BICRA: variants seen among roughly 807,000 people sequenced by gnomAD.
BICRA encodes the protein BRD4-interacting chromatin-remodeling complex-associated protein.
BICRA carries 31 observed loss-of-function variants against 96.9 expected under a neutral mutation model. The ratio of observed to expected loss-of-function variants is 0.32; its 90% CI spans 0.24 to 0.43. The LOEUF (loss-of-function observed/expected upper bound fraction) is 0.43, where lower values mean the gene tolerates loss of function less well. Among genes scored for constraint, BICRA ranks in the 20% least tolerant of loss-of-function variants. The pLI, the probability that BICRA is intolerant of heterozygous loss-of-function variation, is 1.00. For missense variants in BICRA, 2,283 were observed against 2,190.3 expected (o/e 1.04, Z -0.84); for synonymous variants, 1,350 against 1,071.8 (o/e 1.26, Z -5.07).
chr19:47,698,607 T>A lies in BICRA; in HGVS notation c.3249-27T>A, dbSNP rs374584677. 1 of 811,890 alleles carries A rather than the reference T, an allele frequency of 1.2e-6. No individual in the cohort carries two copies. 50.3% of individuals were successfully genotyped at this position (811,890 alleles called of 1,614,324 possible). A position where few individuals can be genotyped will look rare whatever the true frequency, so the allele number is the denominator to read the frequency against. On this transcript the variant is annotated intron_variant, in intron 11 of 14. Transcript: ENST00000594866. The surrounding 1 kb of genome is among the most constrained non-coding windows in gnomAD (Gnocchi z 4.8). ...CCCGTCCCCCCCACCCTCCGCCGTG[T>A]GTGGTCTCTCCCCTTTCCACCCGCA...
chr19:47,681,895 A>T, intron 6 of BICRA, 81 bp from the exon 7 acceptor site: 1 of 977,344 alleles, frequency 1.0e-6, no homozygotes, highest in Non-Finnish European at 1.5e-6. Context: ...TGGGAGCGTC[A>T]ATAGGGGCAG....
At position 47,679,470 on chromosome 19, in the gene BICRA, C is replaced by T. The variant is rs1005184849; in HGVS notation, c.300C>T (p.Pro100=). Residue 100 remains proline (P), a synonymous_variant, in exon 6 of 15, where the codon CCC becomes CCT. Transcript: ENST00000594866. The part of the protein sequence containing the change: ...GGGGSGGADQ[P]CDILQQSLQE... ...GGGGCAGTGGGGGCGCTGACCAGCC[C>T]TGTGACATCCTCCAGCAGAGCCTCC... is the stretch of plus-strand genomic sequence containing the variant. 6.5e-7 allele frequency: 1 copy of T among 1,532,784 alleles called. No homozygotes were observed. Among genetic ancestry groups the T allele is most frequent in the Non-Finnish European group, 8.8e-7 (1 of 1,139,574 alleles). 94.9% of individuals were successfully genotyped at this position (1,532,784 alleles called of 1,614,324 possible). A position where few individuals can be genotyped will look rare whatever the true frequency, so the allele number is the denominator to read the frequency against.
chr19:47,660,665 C>T (rs990958747), intron 1 of BICRA, among the ~76,000 whole-genome samples: 3 of 152,098 alleles, frequency 2.0e-5, no homozygotes, highest in African/African-American at 2.4e-5. Context: ...AGGACCTGGC[C>T]GGGTGAGTGG....
chr19:47,609,226 G>C (rs1331974861), intron 1 of BICRA, 58 bp downstream of exon 1: 1 of 150,560 alleles, frequency 6.6e-6, no homozygotes, highest in East Asian at 2.0e-4. Flanking sequence ...CTCTACCTGC[G>C]AGTCGGGGCT....
chr19:47,673,189 G>C (rs61203661), intron 2 of BICRA, among the ~76,000 whole-genome samples: 45,253 of 152,022 alleles, frequency 0.3, 8,078 homozygotes, highest in African/African-American at 0.49. Flanking sequence ...TGCTTGCTGG[G>C]AGACGGAGGA....
rs145618805 is a variant in BICRA at position 47,645,713 on chromosome 19, T to C, written c.-107-24730T>C. On this transcript the variant is annotated intron_variant, in intron 1 of 14. Transcript: ENST00000594866. Reference sequence around the variant, plus strand: ...GCAAGTATGTTAATGTTTGGGCATATTTCCTTCTGATCTTCCTTCTGATTG... The same window carrying C: ...GCAAGTATGTTAATGTTTGGGCATACTTCCTTCTGATCTTCCTTCTGATTG... Among the ~76,000 whole-genome samples the C allele has an allele frequency of 4.6e-5, 7 of 152,324 alleles. No individual in the cohort carries two copies. The East Asian group carries it at 1.4e-3, about 29-fold the overall frequency.
At chr19:47,642,253 C>T (rs1464197166) in intron 1 of BICRA, among the ~76,000 whole-genome samples, 1 of 152,176 alleles carries the variant, frequency 6.6e-6, no homozygotes, top group East Asian at 1.9e-4. Flanking sequence ...TGCTGATGGA[C>T]CTTTGGGTTA....
intron 10 of BICRA, among the ~76,000 whole-genome samples, chr19:47,696,199 G>A (rs1973339572): frequency 6.6e-6 from 1 of 152,090 alleles, no homozygotes; most frequent in African/African-American, 2.4e-5. Context: ...CGAGGGGACG[G>A]AGGGAACCCA....
chr19:47,621,935 G>T (rs1423356382), intron 1 of BICRA, among the ~76,000 whole-genome samples: 1 of 151,822 alleles, frequency 6.6e-6, no homozygotes, highest in Non-Finnish European at 1.5e-5. Context: ...GGTGTTACAG[G>T]CGTGCACCAC....
intron 1 of BICRA, among the ~76,000 whole-genome samples, chr19:47,635,995 T>C (rs966688829): frequency 6.6e-6 from 1 of 152,198 alleles, no homozygotes; most frequent in Non-Finnish European, 1.5e-5. Flanking sequence ...GTACACAAAC[T>C]TTTTCATGCG....
Position 47,699,269 on chromosome 19 carries a change from G to A in BICRA, c.3493-34G>A, listed in dbSNP as rs371062443. On this transcript the variant is annotated intron_variant, in intron 13 of 14. Transcript: ENST00000594866. This position sits in a 1 kb window ranked among gnomAD's most constrained non-coding sequence, Gnocchi z 5.0. ...TCGCGCCCCTTCCCCCTTCTTGCTG[G>A]TTCACTCGCACGTCGTCTTTTCCCC... The A allele has an allele frequency of 1.6e-6, 2 of 1,270,514 alleles. No homozygotes were observed. The highest frequency in any genetic ancestry group is 2.2e-6 in the Non-Finnish European group (2 of 890,156). 78.7% of individuals were successfully genotyped at this position (1,270,514 alleles called of 1,614,324 possible).
At chr19:47,645,521 GA>G (rs780899275) in intron 1 of BICRA, among the ~76,000 whole-genome samples, 4 of 152,076 alleles carry the variant, frequency 2.6e-5, no homozygotes, top group Non-Finnish European at 5.9e-5. Context: ...ATAATTTCAA[GA>G]AAAGGTTAAA....
chr19:47,680,352 G>C lies in BICRA; in HGVS notation c.1182G>C (p.Pro394=). The change falls in exon 6 of 15, where the codon CCG becomes CCC. Residue 394 remains proline (P), a synonymous_variant. Transcript: ENST00000594866. ...CGCTCCCGCAGCAGCCCAAGGCCCCGCAGAACCTGACGTTCATGGCGGCGG... is the reference window on the plus strand; with the variant it reads ...CGCTCCCGCAGCAGCCCAAGGCCCCCCAGAACCTGACGTTCATGGCGGCGG... The part of the protein sequence containing the change: ...PGALPQQPKA[P]QNLTFMAAGK... The C allele has an allele frequency of 6.5e-7, 1 of 1,532,752 alleles. No individual in the cohort carries two copies. The highest frequency in any genetic ancestry group is 8.7e-7 in the Non-Finnish European group (1 of 1,145,138). The allele number at this position is 1,532,752 out of a possible 1,614,324, so 94.9% of individuals were successfully genotyped here.
chr19:47,626,565 TTTTTGG>T (rs1972142466), intron 1 of BICRA, among the ~76,000 whole-genome samples: 1 of 143,130 alleles, frequency 7.0e-6, no homozygotes. Flanking sequence ...GCCCGCTAAT[TTTTTGG>T]TTTTTTTTTT....
chr19:47,617,791 C>G (rs1299972026), intron 1 of BICRA, among the ~76,000 whole-genome samples: 1 of 150,604 alleles, frequency 6.6e-6, no homozygotes, highest in African/African-American at 2.4e-5. Flanking sequence ...TTTTTTTGGC[C>G]ATTACCTACT....
intron 1 of BICRA, among the ~76,000 whole-genome samples, chr19:47,666,274 C>T (rs990613359): frequency 2.1e-5 from 3 of 139,748 alleles, no homozygotes; most frequent in African/African-American, 8.3e-5. Flanking sequence ...CGCCCAATTT[C>T]TTTTTTTCTT....
chr19:47,632,284 T>G (rs1010903772), intron 1 of BICRA, among the ~76,000 whole-genome samples: 3 of 152,260 alleles, frequency 2.0e-5, no homozygotes, highest in Non-Finnish European at 4.4e-5. Flanking sequence ...CCATTTTCAC[T>G]GCTGGCAAAC....
At chr19:47,681,356 G>A (rs1288370256) in intron 6 of BICRA, 80 bp downstream of exon 6, 2 of 1,304,094 alleles carry the variant, frequency 1.5e-6, no homozygotes, top group East Asian at 5.2e-5. Flanking sequence ...GAGGCGCCAA[G>A]ATCCAAAAGT....
chr19:47,680,107 G>C lies in BICRA; in HGVS notation c.937G>C (p.Ala313Pro), dbSNP rs141698853. ...GNSVFGGAGA[A>P]SAPTGTPSGQ... Reference sequence around the variant, plus strand: ...CTCTGTGTTCGGAGGCGCGGGGGCCGCCTCGGCTCCCACCGGGACGCCCTC... The same window carrying C: ...CTCTGTGTTCGGAGGCGCGGGGGCCCCCTCGGCTCCCACCGGGACGCCCTC... Residue 313 changes from alanine (A) to proline (P), a missense_variant, in exon 6 of 15, where the codon GCC (alanine) becomes CCC (proline). Ala to Pro is a conservative substitution (Grantham distance 27). Transcript: ENST00000594866. 21 of 1,538,210 alleles carry C rather than the reference G, an allele frequency of 1.4e-5. No homozygotes were observed. The African/African-American group carries it at 2.8e-4, about 20-fold the overall frequency.
Sources: gnomAD v4.1 joint callset for allele counts (sites outside exome capture counted in the v4.1 genomes callset) on GRCh38, gnomAD v4.1.1 for gene constraint, Gnocchi (gnomAD v3.1) non-coding constraint, MANE v1.5 for transcripts, NCBI Gene and HGNC (gene_info 2026-07-23, HGNC 2026-07-21) for gene names.